PIEZO1: variants seen among roughly 807,000 people sequenced by gnomAD.
The protein encoded by PIEZO1 is piezo-type mechanosensitive ion channel component 1.
A neutral mutation model predicts 297.2 loss-of-function variants in PIEZO1; 296 were observed. The observed-to-expected ratio is 1.00, with a 90% CI of 0.91 to 1.10. PIEZO1 has a LOEUF of 1.10. Among genes scored for constraint, PIEZO1 ranks in the 50% least tolerant of loss-of-function variants. The pLI, the probability that PIEZO1 is intolerant of heterozygous loss-of-function variation, is 0.00. For missense variants in PIEZO1, 5,018 were observed against 3,455.5 expected (o/e 1.45, Z -11.34); for synonymous variants, 2,427 against 1,507.5 (o/e 1.61, Z -14.13).
chr16:88,783,246 G>A (rs57122104), intron 1 of PIEZO1, among the ~76,000 whole-genome samples: 8,237 of 152,230 alleles, frequency 0.054, 740 homozygotes, highest in African/African-American at 0.19. Context: ...CCAGGGGGCA[G>A]CAAACCACAT....
At chr16:88,717,919 C>T in intron 44 of PIEZO1, 1 of 386,144 alleles carries the variant, frequency 2.6e-6, no homozygotes, top group Non-Finnish European at 5.0e-6. Context: ...CGAACCTGGC[C>T]AAAAATACAA....
chr16:88,731,572 C>G, intron 22 of PIEZO1, 134 bp downstream of exon 22: 2 of 655,894 alleles, frequency 3.0e-6, no homozygotes, highest in South Asian at 1.9e-5. Context: ...GGATGTGGAG[C>G]AGAGAGGAGG....
rs889266316 is a variant in PIEZO1 at position 88,716,641 on chromosome 16, G to A, written c.6844C>T (p.Pro2282Ser). 3 of 1,549,718 alleles carry A rather than the reference G, an allele frequency of 1.9e-6. No individual in the cohort carries two copies. Among genetic ancestry groups the A allele is most frequent in the Non-Finnish European group, 2.6e-6 (3 of 1,146,920 alleles). ...GSSGALWRISPPSRAQMKREL... is the reference protein window; with the variant it reads ...GSSGALWRISSPSRAQMKREL... Reference sequence around the variant, plus strand: ...CGCTTCATCTGGGCACGGCTGGGGGGACTGATGCGCCACAGCGCCCCGGAG... The same window carrying A: ...CGCTTCATCTGGGCACGGCTGGGGGAACTGATGCGCCACAGCGCCCCGGAG... Residue 2282 changes from proline to serine, a missense_variant, in exon 47 of 51, where the codon CCC becomes TCC. Physicochemically the swap from Pro to Ser is moderately conservative, Grantham distance 74 (BLOSUM62 -1). Coordinates refer to ENST00000301015, the MANE Select transcript of PIEZO1 (RefSeq NM_001142864.4).
At position 88,723,276 on chromosome 16, in the gene PIEZO1, T is replaced by C; in HGVS notation, c.4388A>G (p.Gln1463Arg). 3.9e-6 allele frequency: 6 copies of C among 1,542,742 alleles called. No homozygotes were observed. Among genetic ancestry groups the C allele is most frequent in the Non-Finnish European group, 4.4e-6 (5 of 1,146,776 alleles). ...TNAQAVLRRR[Q>R]QEQEQARQEQ... ...CTGCCTTGCCTGCTCCTGCTCCTGC[T>C]GCCGCCGCCTCAGCACCGCCTGGGC... Residue 1463 changes from glutamine (Q) to arginine (R), a missense_variant, in exon 32 of 51, where the codon CAG (glutamine) becomes CGG (arginine). Physicochemically the swap from Gln to Arg is conservative, Grantham distance 43 (BLOSUM62 1). Coordinates refer to ENST00000301015, the MANE Select transcript of PIEZO1 (RefSeq NM_001142864.4).
chr16:88,732,322 G>T lies in PIEZO1; in HGVS notation c.2991+13C>A. On this transcript the variant is annotated intron_variant, in intron 21 of 50. Coordinates refer to ENST00000301015, the MANE Select transcript of PIEZO1 (RefSeq NM_001142864.4). ...AAGCCCTGCCCCAGGGGGAGGCAAT[G>T]TCCTTGCCTCACCTCCAGCCCGAAT... The T allele has an allele frequency of 1.3e-6, 2 of 1,547,050 alleles. No individual in the cohort carries two copies. Among genetic ancestry groups the T allele is most frequent in the South Asian group, 1.2e-5 (1 of 83,868 alleles).
chr16:88,785,017 G>A lies in PIEZO1; in HGVS notation c.-53C>T, dbSNP rs951346615. On this transcript the variant is annotated 5_prime_UTR_variant, in exon 1 of 51. Coordinates refer to ENST00000301015, the MANE Select transcript of PIEZO1 (RefSeq NM_001142864.4). ...ACCGAGCGGACGCCGCGGCGCTATG[G>A]GGCGGTGCGGGGGCCCCGGGGCCGG... 1.2e-5 allele frequency: 13 copies of A among 1,105,384 alleles called. No homozygotes were observed. The highest frequency in any genetic ancestry group is 1.4e-5 in the Non-Finnish European group (12 of 884,464). 68.5% of individuals were successfully genotyped at this position (1,105,384 alleles called of 1,614,324 possible).
rs925317689 is a variant in PIEZO1, at chr16:88,734,657, C to T, written c.1990G>A (p.Asp664Asn). The change falls in exon 15 of 51, where the codon GAC (aspartate) becomes AAC (asparagine). Residue 664 changes from aspartate (D) to asparagine (N), a missense_variant. Coordinates refer to ENST00000301015, the MANE Select transcript of PIEZO1 (RefSeq NM_001142864.4). Reference sequence around the variant, plus strand: ...GCCCCAGCCTGGACTCACTGCTCGTCGGTGAAGCCAGTGAGGTTGCGCCAG... The same window carrying T: ...GCCCCAGCCTGGACTCACTGCTCGTTGGTGAAGCCAGTGAGGTTGCGCCAG... Reference protein sequence around the residue: ...AYWRNLTGFTDEQLGDLGLEQ... With the variant: ...AYWRNLTGFTNEQLGDLGLEQ... 42 of 1,550,096 alleles carry T rather than the reference C, an allele frequency of 2.7e-5. No individual in the cohort carries two copies. Among genetic ancestry groups the T allele is most frequent in the African/African-American group, 4.1e-5 (3 of 73,044 alleles).
rs972384691 is a variant in PIEZO1, at chr16:88,719,950, G to A, written c.6175C>T (p.Gln2059Ter). ...TACCAGAGCTGGGCCACCACATTCT[G>A]GTTGAACATCCTGGGGCGGGATGGC... The part of the protein sequence containing the change: ...LPAVTERMFN[Q>*]NVVAQLWYFV... Residue 2059 changes from glutamine (Q) to a stop codon, truncating the protein, a stop_gained, in exon 43 of 51, where the codon CAG (glutamine) becomes TAG (stop). Coordinates refer to ENST00000301015, the MANE Select transcript of PIEZO1 (RefSeq NM_001142864.4). LOFTEE classifies it high-confidence loss of function. 8 of 1,550,168 alleles carry A rather than the reference G, an allele frequency of 5.2e-6. No individual in the cohort carries two copies. In the African/African-American group the frequency reaches 8.2e-5, roughly 16 times the overall value.
In PIEZO1 at chr16:88,716,702, G is replaced by T. The variant is rs1912064966; in HGVS notation, c.6783C>A (p.Ser2261Arg). 6.5e-7 allele frequency: 1 copy of T among 1,548,388 alleles called. No individual in the cohort carries two copies. The highest frequency in any genetic ancestry group is 1.4e-5 in the African/African-American group (1 of 73,180). ...TCTGCGCCGTGACGATGTCCTCAGG[G>T]CTGTACTGGCTGATGAACTGCATGG... ...PLAMQFISQY[S>R]PEDIVTAQIE... Residue 2261 changes from serine to arginine, a missense_variant, in exon 47 of 51, where the codon AGC (serine) becomes AGA (arginine). Transcript: ENST00000301015.
In PIEZO1 at chr16:88,767,330, G is replaced by A. The variant is rs138700159; in HGVS notation, c.64+17571C>T. Among the ~76,000 whole-genome samples, 183 of 152,300 alleles carry A rather than the reference G, an allele frequency of 1.2e-3. 5 individuals are homozygous for A. In the East Asian group the frequency reaches 0.032, roughly 27 times the overall value. ...CCAGGTCCTGCCCATGAGGAAGGAG[G>A]TCAGGGGGCTGTGCTGGGAGAGCTT... On this transcript the variant is annotated intron_variant, in intron 1 of 50. Coordinates refer to ENST00000301015, the MANE Select transcript of PIEZO1 (RefSeq NM_001142864.4).
At chr16:88,768,840 G>T (rs1051678120) in intron 1 of PIEZO1, among the ~76,000 whole-genome samples, 1 of 152,246 alleles carries the variant, frequency 6.6e-6, no homozygotes, top group East Asian at 1.9e-4. Flanking sequence ...GAGCTGCAGG[G>T]CCCAGTCCGG....
chr16:88,720,034 C>T (rs928137493), intron 42 of PIEZO1, 35 bp downstream of exon 42: 2 of 1,549,508 alleles, frequency 1.3e-6, no homozygotes, highest in East Asian at 2.4e-5. Flanking sequence ...ACTGCCCCGC[C>T]CCTGGAGACC....
intron 25 of PIEZO1, 22 bp from the exon 26 acceptor site, chr16:88,726,665 G>GGGGCCAGCA: frequency 1.3e-6 from 2 of 1,547,090 alleles, no homozygotes; most frequent in Non-Finnish European, 1.7e-6. Context: ...CAGGGTCAGC[G>GGGGCCAGCA]GGGCCAGCGG....
At chr16:88,782,357 C>T (rs543722890) in intron 1 of PIEZO1, among the ~76,000 whole-genome samples, 1 of 152,302 alleles carries the variant, frequency 6.6e-6, no homozygotes, top group Admixed American at 6.5e-5. Flanking sequence ...AGCAATCCTC[C>T]CACCTTGGCC....
Position 88,735,210 on chromosome 16 carries a change from G to A in PIEZO1, c.1594C>T (p.Gln532Ter). 2 of 1,550,412 alleles carry A rather than the reference G, an allele frequency of 1.3e-6. No individual in the cohort carries two copies. Among genetic ancestry groups the A allele is most frequent in the Non-Finnish European group, 1.7e-6 (2 of 1,146,916 alleles). ...YTLTFWLLLR[Q>*]FVKEKLLKWA... ...TTCAGCAGCTTCTCTTTCACAAACT[G>A]GCGCAGCAGGAGCCAGAAGGTCAGG... Residue 532 changes from glutamine to a stop codon, truncating the protein, a stop_gained, in exon 13 of 51, where the codon CAG becomes TAG. Transcript: ENST00000301015. LOFTEE classifies it high-confidence loss of function.
chr16:88,726,611 C>G lies in PIEZO1; in HGVS notation c.3732G>C (p.Gln1244His). Reference protein sequence around the residue: ...LLACVFVEQMQTGFCWVIQLF... With the variant: ...LLACVFVEQMHTGFCWVIQLF... ...GCTGGATGACCCAGCAGAAGCCGGTCTGCATCTGCTCCACGAAGACGCAGG... is the reference window on the plus strand; with the variant it reads ...GCTGGATGACCCAGCAGAAGCCGGTGTGCATCTGCTCCACGAAGACGCAGG... The change falls in exon 26 of 51, where the codon CAG becomes CAC. Residue 1244 changes from glutamine to histidine, a missense_variant. Physicochemically the swap from Gln to His is conservative, Grantham distance 24. Coordinates refer to ENST00000301015, the MANE Select transcript of PIEZO1 (RefSeq NM_001142864.4). The G allele has an allele frequency of 6.5e-7, 1 of 1,549,562 alleles. No individual in the cohort carries two copies.
At chr16:88,727,439 A>C (rs1904532420) in intron 23 of PIEZO1, 118 bp downstream of exon 23, 3 of 641,128 alleles carry the variant, frequency 4.7e-6, no homozygotes, top group Non-Finnish European at 8.1e-6. Context: ...GCAGGCCGCC[A>C]TGTGCCTGAC....
In PIEZO1 at chr16:88,726,799, C is replaced by A; in HGVS notation, c.3615G>T (p.Gln1205His). 1 of 1,550,328 alleles carries A rather than the reference C, an allele frequency of 6.5e-7. No homozygotes were observed. Among genetic ancestry groups the A allele is most frequent in the Non-Finnish European group, 8.7e-7 (1 of 1,146,922 alleles). ...GCACGAGGCGGGCCCGTGTGTCCCTCTGCAGCAGGGCCGTGCCGAAGAGCA... is the reference window on the plus strand; with the variant it reads ...GCACGAGGCGGGCCCGTGTGTCCCTATGCAGCAGGGCCGTGCCGAAGAGCA... Reference protein sequence around the residue: ...YLLLFGTALLQRDTRARLVLW... With the variant: ...YLLLFGTALLHRDTRARLVLW... Residue 1205 changes from glutamine to histidine, a missense_variant, in exon 25 of 51, where the codon CAG becomes CAT. Gln to His is a conservative substitution (Grantham distance 24, BLOSUM62 0). Coordinates refer to ENST00000301015, the MANE Select transcript of PIEZO1 (RefSeq NM_001142864.4).
At position 88,726,316 on chromosome 16, in the gene PIEZO1, G is replaced by A. The variant is rs372171772; in HGVS notation, c.3936C>T (p.Ala1312=). The change falls in exon 27 of 51, where the codon GCC becomes GCT. Residue 1312 remains alanine (A), a synonymous_variant. Coordinates refer to ENST00000301015, the MANE Select transcript of PIEZO1 (RefSeq NM_001142864.4). The part of the protein sequence containing the change: ...FLSHYYLHVR[A]DLQATALLAS... Reference sequence around the variant, plus strand: ...CTAGCAGGGCGGTGGCCTGGAGGTCGGCCCTGACGTGCAGGTAGTAATGGC... The same window carrying A: ...CTAGCAGGGCGGTGGCCTGGAGGTCAGCCCTGACGTGCAGGTAGTAATGGC... 2.8e-5 allele frequency: 43 copies of A among 1,549,982 alleles called. No homozygotes were observed. In the African/African-American group the frequency reaches 3.0e-4, roughly 11 times the overall value.
Sources: allele counts gnomAD v4.1 joint callset (sites outside exome capture counted in the v4.1 genomes callset), GRCh38; gene constraint gnomAD v4.1.1; transcripts MANE v1.5; gene names NCBI Gene and HGNC (gene_info 2026-07-23, HGNC 2026-07-21).